TSC1: variants seen among roughly 807,000 people sequenced by gnomAD.
The protein encoded by TSC1 is TSC complex subunit 1.
Under a neutral mutation model 124.3 loss-of-function variants are expected in TSC1, and 20 were observed. That is an observed-to-expected ratio of 0.16 (90% CI 0.11 to 0.23). TSC1 has a LOEUF of 0.23. Among genes scored for constraint, TSC1 ranks in the 10% least tolerant of loss-of-function variants. The pLI is 1.00. For synonymous variants in TSC1, 493 were observed against 539.1 expected, an observed-to-expected ratio of 0.91 and a Z score of 1.19; for missense variants, 1,124 against 1,448.5, an observed-to-expected ratio of 0.78 and a Z score of 3.64.
rs2132231516 is a variant in TSC1, at chr9:132,925,620, T to A, written c.330A>T (p.Ala110=). ...ATTTTAGTAAAGAAGGCAAAAGAGG[T>A]GCTTGAGAGAGCTTATGCTTCCAAG... ...QPSWKHKLSQ[A]PLLPSLLKCL... is the part of the protein sequence containing the mutation. The change falls in exon 5 of 23, where the codon GCA becomes GCT. Residue 110 remains alanine (A), a synonymous_variant. Transcript: ENST00000298552. 6.2e-7 allele frequency: 1 copy of A among 1,614,188 alleles called. No individual in the cohort carries two copies. Among genetic ancestry groups the A allele is most frequent in the Non-Finnish European group, 8.5e-7 (1 of 1,180,030 alleles).
At chr9:132,905,466 AC>A in intron 15 of TSC1, 114 bp downstream of exon 15, 1 of 1,448,450 alleles carries the variant, frequency 6.9e-7, no homozygotes, top group Non-Finnish European at 9.6e-7. Context: ...ACAGCAGAGA[AC>A]CAGCTGCCTC....
In TSC1 at chr9:132,902,785, T is replaced by G; in HGVS notation, c.2211A>C (p.Lys737Asn). ...CCTTCTCTTGTAACTTCAACTGATC[T>G]TTCTAGCAGAGACCAGAAATGTCAT... ...AALEEHNAAM[K>N]DQLKLQEKDI... The change falls in exon 18 of 23, where the codon AAA (lysine) becomes AAC (asparagine). Residue 737 changes from lysine (K) to asparagine (N), a missense_variant and splice_region_variant. Lys to Asn is a moderately conservative substitution (Grantham distance 94). Coordinates refer to ENST00000298552, the MANE Select transcript of TSC1 (RefSeq NM_000368.5). The surrounding 1 kb of genome is among the most constrained non-coding windows in gnomAD (Gnocchi z 5.2). 1 of 1,613,416 alleles carries G rather than the reference T, an allele frequency of 6.2e-7. No individual in the cohort carries two copies. Among genetic ancestry groups the G allele is most frequent in the Non-Finnish European group, 8.5e-7 (1 of 1,180,042 alleles).
Position 132,897,186 on chromosome 9 carries a change from T to A in TSC1, c.2973A>T (p.Glu991Asp). ...EKAEAAEAAE[E>D]RLDCCNDGCS... Reference sequence around the variant, plus strand: ...ATGAATCAGTTCTTTGTTCCTACCTTTCTTCTGCTGCTTCAGCTGCTTCTG... The same window carrying A: ...ATGAATCAGTTCTTTGTTCCTACCTATCTTCTGCTGCTTCAGCTGCTTCTG... The change falls in exon 22 of 23, where the codon GAA (glutamate) becomes GAT (aspartate). Residue 991 changes from glutamate (E) to aspartate (D), a missense_variant and splice_region_variant. Glu to Asp is a conservative substitution (Grantham distance 45, BLOSUM62 2). Coordinates refer to ENST00000298552, the MANE Select transcript of TSC1 (RefSeq NM_000368.5). The A allele has an allele frequency of 6.2e-7, 1 of 1,614,158 alleles. No individual in the cohort carries two copies. The highest frequency in any genetic ancestry group is 8.5e-7 in the Non-Finnish European group (1 of 1,180,048).
At position 132,894,581 on chromosome 9, in the gene TSC1, C is replaced by G. The variant is rs746598492; in HGVS notation, c.*1654G>C. ...GCCCTGCCACAGGCTGGGAATCAGT[C>G]ACACCCAGAAAGCCTGCCTGAACAG... On this transcript the variant is annotated 3_prime_UTR_variant, in exon 23 of 23. Coordinates refer to ENST00000298552, the MANE Select transcript of TSC1 (RefSeq NM_000368.5). 10 of 223,678 alleles carry G rather than the reference C, an allele frequency of 4.5e-5. No individual in the cohort carries two copies. Among genetic ancestry groups the G allele is most frequent in the Non-Finnish European group, 6.2e-5 (7 of 112,512 alleles). The allele number at this position is 223,678 out of a possible 1,614,324, so 13.9% of individuals were successfully genotyped here.
chr9:132,916,095 C>T (rs116148731), intron 8 of TSC1, among the ~76,000 whole-genome samples: 6 of 152,284 alleles, frequency 3.9e-5, no homozygotes, highest in Admixed American at 1.3e-4. Context: ...TATTTCCCTG[C>T]TTCTTAAAAG....
rs1845915609 is a variant in TSC1 at position 132,910,807 on chromosome 9, T to C, written c.1142-115A>G. The C allele has an allele frequency of 4.0e-6, 6 of 1,499,584 alleles. No homozygotes were observed. In the South Asian group the frequency reaches 6.8e-5, roughly 17 times the overall value. 92.9% of individuals were successfully genotyped at this position (1,499,584 alleles called of 1,614,324 possible). ...AATAAAGCTGCTAGAGTTAACTTTC[T>C]GGGGATCTAGATCAGTCTCTCTCTT... On this transcript the variant is annotated intron_variant, in intron 11 of 22. Transcript: ENST00000298552.
At position 132,929,910 on chromosome 9, in the gene TSC1, C is replaced by T. The variant is rs567783892; in HGVS notation, c.-80-958G>A. Among the ~76,000 whole-genome samples the T allele has an allele frequency of 4.3e-4, 66 of 152,198 alleles. 1 individual carries two copies. The highest frequency in any genetic ancestry group is 7.2e-4 in the Admixed American group (11 of 15,284). On this transcript the variant is annotated intron_variant, in intron 2 of 22. Transcript: ENST00000298552. ...ACTGATATTGGAAGCTAGGTATGCC[C>T]GACTCCAAAGCCCCAAGCCCTTAAG...
intron 8 of TSC1, among the ~76,000 whole-genome samples, chr9:132,920,490 C>T (rs982885056): frequency 2.0e-5 from 3 of 152,074 alleles, no homozygotes; most frequent in Admixed American, 6.6e-5. Flanking sequence ...TATTATTAAA[C>T]TTTACATACA....
intron 4 of TSC1, 76 bp downstream of exon 4, chr9:132,927,125 T>C (rs535201869): frequency 5.1e-6 from 7 of 1,373,692 alleles, no homozygotes; most frequent in Admixed American, 3.7e-5. Flanking sequence ...TCAGGACAAG[T>C]TGCACAGTGG....
intron 20 of TSC1, chr9:132,900,490 T>C: frequency 1.7e-6 from 1 of 587,154 alleles, no homozygotes. Context: ...CCAACTACCA[T>C]TAGGTGCTTT....
At chr9:132,898,742 C>T (rs1351210386) in intron 20 of TSC1, among the ~76,000 whole-genome samples, 1 of 152,232 alleles carries the variant, frequency 6.6e-6, no homozygotes, top group African/African-American at 2.4e-5. Flanking sequence ...CAACTGTTCC[C>T]ACCTGATTCC....
intron 4 of TSC1, chr9:132,926,041 A>G: frequency 2.4e-6 from 1 of 415,402 alleles, no homozygotes; most frequent in Non-Finnish European, 4.5e-6. Flanking sequence ...AAACTGTGAT[A>G]GGTTACTGAA....
chr9:132,909,318 C>T (rs1050087599), intron 12 of TSC1, among the ~76,000 whole-genome samples: 9 of 152,206 alleles, frequency 5.9e-5, no homozygotes, highest in African/African-American at 2.2e-4. Flanking sequence ...TGTTGAAACA[C>T]TTCATTATAC....
chr9:132,900,037 C>T (rs1845284523), intron 20 of TSC1: 1 of 154,262 alleles, frequency 6.5e-6, no homozygotes, highest in Non-Finnish European at 1.4e-5. Flanking sequence ...CTCTCCAGTT[C>T]TAAGACTCCT....
chr9:132,901,605 C>G lies in TSC1; in HGVS notation c.2486G>C (p.Ser829Thr), dbSNP rs1202468122. ...NKVCHTELLL[S>T]QVSQKLSNSE... The stretch of plus-strand genomic sequence containing the variant: ...TCTTCTTACCTTTTGGGAAACCTGA[C>G]TGAGCAGCAGCTCAGTGTGACACAC... Residue 829 changes from serine to threonine, a missense_variant, in exon 19 of 23, where the codon AGT becomes ACT. Transcript: ENST00000298552. The G allele has an allele frequency of 6.2e-7, 1 of 1,613,998 alleles. No homozygotes were observed. The highest frequency in any genetic ancestry group is 1.7e-5 in the Admixed American group (1 of 60,010).
At chr9:132,924,502 C>T (rs1476615988) in intron 5 of TSC1, among the ~76,000 whole-genome samples, 2 of 152,158 alleles carry the variant, frequency 1.3e-5, no homozygotes, top group East Asian at 3.8e-4. Context: ...AACAGTCTAA[C>T]TGAAGACTTA....
At chr9:132,932,300 T>A (rs954787959) in intron 2 of TSC1, among the ~76,000 whole-genome samples, 10 of 152,064 alleles carry the variant, frequency 6.6e-5, no homozygotes, top group Non-Finnish European at 1.3e-4. Context: ...CTACCATCAG[T>A]CTAAAGCAAA....
chr9:132,915,332 T>C (rs893973355), intron 8 of TSC1, among the ~76,000 whole-genome samples: 2 of 152,070 alleles, frequency 1.3e-5, no homozygotes, highest in African/African-American at 4.8e-5. Context: ...AATAATGCTT[T>C]CAAACATTAG....
At chr9:132,937,869 C>T (rs1465887981) in intron 1 of TSC1, among the ~76,000 whole-genome samples, 1 of 152,128 alleles carries the variant, frequency 6.6e-6, no homozygotes, top group African/African-American at 2.4e-5. Context: ...CACGCACCAC[C>T]ATGCCCAACT....
Sources: allele counts gnomAD v4.1 joint callset (sites outside exome capture counted in the v4.1 genomes callset), GRCh38; gene constraint gnomAD v4.1.1; non-coding constraint Gnocchi (gnomAD v3.1); transcripts MANE v1.5; gene names NCBI Gene and HGNC (gene_info 2026-07-23, HGNC 2026-07-21).